Variants in KCNN3 observed in about 807,000 individuals in gnomAD.
KCNN3 encodes the protein small conductance calcium-activated potassium channel protein 3.
Under a neutral mutation model 62.9 loss-of-function variants are expected in KCNN3, and 16 were observed. That is an observed-to-expected ratio of 0.25 (90% CI 0.17 to 0.39). The LOEUF (loss-of-function observed/expected upper bound fraction) is 0.39, where lower values mean the gene tolerates loss of function less well. KCNN3 is among the 10% of genes least tolerant of loss of function. The probability of loss-of-function intolerance (pLI) is 1.00; values close to 1 mark genes in which losing one functional copy is unlikely to be tolerated. For synonymous variants in KCNN3, 370 were observed against 389.2 expected, an observed-to-expected ratio of 0.95 and a Z score of 0.58; for missense variants, 599 against 949.4, an observed-to-expected ratio of 0.63 and a Z score of 4.85.
intron 1 of KCNN3, among the ~76,000 whole-genome samples, chr1:154,825,205 C>G (rs1055196248): frequency 1.3e-5 from 2 of 152,166 alleles, no homozygotes; most frequent in Non-Finnish European, 2.9e-5. Context: ...TGCCCCCACT[C>G]ACTCCTATCT....
rs1699963742 is a variant in KCNN3, at chr1:154,706,295, G to A, written c.*1681C>T. 1 of 152,150 alleles carries A rather than the reference G, an allele frequency of 6.6e-6. No individual in the cohort carries two copies. Among genetic ancestry groups the A allele is most frequent in the Non-Finnish European group, 1.5e-5 (1 of 68,022 alleles). The allele number at this position is 152,150 out of a possible 1,614,324, so 9.4% of individuals were successfully genotyped here. On this transcript the variant is annotated 3_prime_UTR_variant, in exon 8 of 8. Coordinates refer to ENST00000271915, the MANE Select transcript of KCNN3 (RefSeq NM_002249.6). Reference sequence around the variant, plus strand: ...CATGCCAAGCCACTGCCTTCAGAATGGTGATGATGTCTTCTTACAAAGGTA... The same window carrying A: ...CATGCCAAGCCACTGCCTTCAGAATAGTGATGATGTCTTCTTACAAAGGTA...
intron 7 of KCNN3, among the ~76,000 whole-genome samples, chr1:154,710,759 C>G (rs1700057420): frequency 6.6e-6 from 1 of 152,174 alleles, no homozygotes; most frequent in Admixed American, 6.5e-5. Context: ...TGATCACTGG[C>G]CATCAGAGAA....
chr1:154,783,167 C>T lies in KCNN3; in HGVS notation c.1030-10774G>A, dbSNP rs190493514. On this transcript the variant is annotated intron_variant, in intron 2 of 7. Transcript: ENST00000271915. ...GGCAGAGCTTGCAGTGAGTCGAGAT[C>T]GCACCACTGTACTCCAGCCTGGGTG... Among the ~76,000 whole-genome samples, 416 of 150,696 alleles carry T rather than the reference C, an allele frequency of 2.8e-3. 3 individuals are homozygous for T. Among genetic ancestry groups the T allele is most frequent in the African/African-American group, 9.9e-3 (404 of 40,934 alleles).
intron 3 of KCNN3, among the ~76,000 whole-genome samples, chr1:154,753,180 A>T (rs1647466917): frequency 6.6e-6 from 1 of 152,194 alleles, no homozygotes; most frequent in South Asian, 2.1e-4. Flanking sequence ...ACATCTACTT[A>T]ACTCAGTAAG....
At chr1:154,765,142 C>T (rs1384288121) in intron 3 of KCNN3, among the ~76,000 whole-genome samples, 1 of 152,168 alleles carries the variant, frequency 6.6e-6, no homozygotes, top group East Asian at 1.9e-4. Context: ...CTAGGGGTGG[C>T]TCCTCCTGTC....
At chr1:154,714,235 TG>T (rs1700156033) in intron 6 of KCNN3, among the ~76,000 whole-genome samples, 1 of 11,030 alleles carries the variant, frequency 9.1e-5, no homozygotes, top group African/African-American at 3.1e-4. Flanking sequence ...GTGTGGGGTG[TG>T]TGCGGTGTGT....
At chr1:154,756,374 T>TA (rs1647712245) in intron 3 of KCNN3, among the ~76,000 whole-genome samples, 1 of 152,086 alleles carries the variant, frequency 6.6e-6, no homozygotes, top group African/African-American at 2.4e-5. Flanking sequence ...AATAAAAAGA[T>TA]AAAACTCTTT....
In KCNN3 at chr1:154,714,936, T is replaced by C. The variant is rs1260911238; in HGVS notation, c.1769A>G (p.Lys590Arg). The C allele has an allele frequency of 6.2e-7, 1 of 1,613,786 alleles. No individual in the cohort carries two copies. The highest frequency in any genetic ancestry group is 2.2e-5 in the East Asian group (1 of 44,884). ...WLIYKHTKLL[K>R]KIDHAKVRKH... is the part of the protein sequence containing the mutation. The stretch of plus-strand genomic sequence containing the variant: ...CCTCACTTTGGCATGGTCAATCTTC[T>C]TTAGCAGCTTTGTGTGTTTATAGAT... The change falls in exon 6 of 8, where the codon AAG becomes AGG. Residue 590 changes from lysine to arginine, a missense_variant. Coordinates refer to ENST00000271915, the MANE Select transcript of KCNN3 (RefSeq NM_002249.6).
In KCNN3 at chr1:154,870,163, A is replaced by C. The variant is rs553620173; in HGVS notation, c.-199T>G. The C allele has an allele frequency of 3.0e-4, 216 of 725,732 alleles. 2 individuals are homozygous for C. The South Asian group carries it at 3.1e-3, about 11-fold the overall frequency. The allele number at this position is 725,732 out of a possible 1,614,324, so 45.0% of individuals were successfully genotyped here. ...CACTCAAGAATGCATTGTATTGGGC[A>C]GGGAGGGAGAGCAGGAGGGGAGCTT... On this transcript the variant is annotated 5_prime_UTR_variant, in exon 1 of 8. Transcript: ENST00000271915.
chr1:154,855,343 C>G (rs573151985), intron 1 of KCNN3, among the ~76,000 whole-genome samples: 1 of 152,272 alleles, frequency 6.6e-6, no homozygotes, highest in South Asian at 2.1e-4. Flanking sequence ...AAAGCCTACA[C>G]TAGTCTACAG....
intron 2 of KCNN3, among the ~76,000 whole-genome samples, chr1:154,804,397 C>T (rs2101876925): frequency 6.6e-6 from 1 of 152,378 alleles, no homozygotes; most frequent in South Asian, 2.1e-4. Flanking sequence ...TCATGATATG[C>T]CTTCACGACC....
intron 3 of KCNN3, among the ~76,000 whole-genome samples, chr1:154,751,450 C>T (rs1366832385): frequency 6.6e-6 from 1 of 152,196 alleles, no homozygotes; most frequent in Non-Finnish European, 1.5e-5. Flanking sequence ...CAGTGGAAAC[C>T]ACCTAGCAGC....
intron 2 of KCNN3, among the ~76,000 whole-genome samples, chr1:154,787,929 G>A (rs1270364593): frequency 6.6e-6 from 1 of 152,220 alleles, no homozygotes; most frequent in Non-Finnish European, 1.5e-5. Flanking sequence ...CCAAGGGGTA[G>A]CTGGAGGAGG....
At chr1:154,801,508 C>T (rs942240327) in intron 2 of KCNN3, among the ~76,000 whole-genome samples, 3 of 152,160 alleles carry the variant, frequency 2.0e-5, no homozygotes, top group Non-Finnish European at 2.9e-5. Context: ...AAAGGATGCT[C>T]GCTCCCACCC....
chr1:154,789,096 G>A (rs1440637414), intron 2 of KCNN3, among the ~76,000 whole-genome samples: 1 of 152,208 alleles, frequency 6.6e-6, no homozygotes, highest in Admixed American at 6.5e-5. Flanking sequence ...GTTGTCCGCA[G>A]GGCTGGCTCC....
rs1444719147 is a variant in KCNN3, at chr1:154,707,937, A to C, written c.*39T>G. ...CCAGGAGAGAGTTGATTTGCATCTT[A>C]AGACCTATGGGTAATGCTTCTGGAG... is the stretch of plus-strand genomic sequence containing the variant. On this transcript the variant is annotated 3_prime_UTR_variant, in exon 8 of 8. Transcript: ENST00000271915. 1.9e-6 allele frequency: 3 copies of C among 1,597,536 alleles called. No individual in the cohort carries two copies. The Admixed American group carries it at 5.1e-5, about 27-fold the overall frequency.
chr1:154,748,186 G>T (rs1700981227), intron 3 of KCNN3, among the ~76,000 whole-genome samples: 1 of 152,160 alleles, frequency 6.6e-6, no homozygotes, highest in Non-Finnish European at 1.5e-5. Flanking sequence ...GTGGGCCTCT[G>T]CTTTCTGTTT....
intron 1 of KCNN3, among the ~76,000 whole-genome samples, chr1:154,842,003 G>T (rs1013473781): frequency 6.6e-6 from 1 of 152,256 alleles, no homozygotes; most frequent in African/African-American, 2.4e-5. Context: ...CGACAGAGGT[G>T]GTGAGGATGG....
intron 2 of KCNN3, among the ~76,000 whole-genome samples, chr1:154,773,685 T>C (rs1168299588): frequency 1.3e-5 from 2 of 152,248 alleles, no homozygotes; most frequent in African/African-American, 2.4e-5. Flanking sequence ...GTGTTCTATG[T>C]TGAGCCACTT....
Sources: allele counts gnomAD v4.1 joint callset (sites outside exome capture counted in the v4.1 genomes callset), GRCh38; gene constraint gnomAD v4.1.1; transcripts MANE v1.5; gene names NCBI Gene and HGNC (gene_info 2026-07-23, HGNC 2026-07-21).